Variants in GTF2A1L observed in about 807,000 individuals in gnomAD.
GTF2A1L encodes the protein TFIIA-alpha and beta-like factor.
Under a neutral mutation model 49.7 loss-of-function variants are expected in GTF2A1L, and 48 were observed. That is an observed-to-expected ratio of 0.97 (90% confidence interval 0.77 to 1.23). The LOEUF (loss-of-function observed/expected upper bound fraction) is 1.23, where lower values mean the gene tolerates loss of function less well. GTF2A1L is among the 50% of genes most tolerant of loss of function. The pLI is 0.00. For synonymous variants in GTF2A1L, 246 were observed against 193.5 expected, an observed-to-expected ratio of 1.27 and a Z score of -2.25; for missense variants, 736 against 564.8, an observed-to-expected ratio of 1.30 and a Z score of -3.07.
chr2:48,651,217 TA>T (rs915156249), intron 6 of GTF2A1L, among the ~76,000 whole-genome samples: 6 of 150,318 alleles, frequency 4.0e-5, no homozygotes, highest in South Asian at 2.1e-4. Context: ...GCAGAGAAAA[TA>T]AAAAAAAAGG....
At chr2:48,617,991 T>C in intron 1 of GTF2A1L, 96 bp downstream of exon 1, 3 of 1,261,234 alleles carry the variant, frequency 2.4e-6, no homozygotes, top group South Asian at 1.4e-5. Flanking sequence ...CCTGACACTT[T>C]ACAGATTGTC....
At chr2:48,653,920 C>CAAAAAAAAAAAA (rs70946819) in intron 6 of GTF2A1L, among the ~76,000 whole-genome samples, 1 of 108,680 alleles carries the variant, frequency 9.2e-6, no homozygotes, top group Non-Finnish European at 1.8e-5. Context: ...GACTGTGTCT[C>CAAAAAAAAAAAA]AAAAAAAAAA....
At chr2:48,617,984 GACACTTT>G (rs1675758444) in intron 1 of GTF2A1L, 89 bp downstream of exon 1, 1 of 1,311,256 alleles carries the variant, frequency 7.6e-7, no homozygotes, top group African/African-American at 1.5e-5. Context: ...GTTTCCCCCT[GACACTTT>G]ACAGATTGTC....
chr2:48,653,920 CA>C (rs70946819), intron 6 of GTF2A1L, among the ~76,000 whole-genome samples: 5 of 108,652 alleles, frequency 4.6e-5, no homozygotes, highest in Admixed American at 9.8e-5. Flanking sequence ...GACTGTGTCT[CA>C]AAAAAAAAAA....
intron 8 of GTF2A1L, among the ~76,000 whole-genome samples, chr2:48,673,688 C>T (rs539190528): frequency 1.3e-5 from 2 of 152,144 alleles, no homozygotes; most frequent in African/African-American, 4.8e-5. Flanking sequence ...CCCAAAGAAA[C>T]AGGGAAAACT....
intron 8 of GTF2A1L, among the ~76,000 whole-genome samples, chr2:48,679,081 A>C (rs575265971): frequency 6.6e-6 from 1 of 151,820 alleles, no homozygotes; most frequent in Non-Finnish European, 1.5e-5. Flanking sequence ...CATATACAGG[A>C]TGTGTGTTTT....
At chr2:48,658,938 A>G (rs944157784) in intron 6 of GTF2A1L, among the ~76,000 whole-genome samples, 2 of 151,950 alleles carry the variant, frequency 1.3e-5, no homozygotes, top group African/African-American at 4.8e-5. Flanking sequence ...ATATCTCCTT[A>G]ACTTATGAAG....
chr2:48,620,896 C>A lies in GTF2A1L; in HGVS notation c.67C>A (p.Arg23=). The part of the protein sequence containing the change: ...SVIEDVIEGV[R]NLFAEEGIEE... ...AATTGAAGATGTAATTGAAGGAGTT[C>A]GGAATCTATTTGCTGAAGAAGGTAT... The change falls in exon 2 of 9, where the codon CGG becomes AGG. Residue 23 remains arginine, a synonymous_variant. Coordinates refer to ENST00000403751, the MANE Select transcript of GTF2A1L (RefSeq NM_006872.5). 1 of 1,604,082 alleles carries A rather than the reference C, an allele frequency of 6.2e-7. No individual in the cohort carries two copies. The highest frequency in any genetic ancestry group is 1.1e-5 in the South Asian group (1 of 89,198).
chr2:48,623,945 C>T (rs535542047), intron 3 of GTF2A1L, among the ~76,000 whole-genome samples: 7 of 152,244 alleles, frequency 4.6e-5, no homozygotes, highest in East Asian at 1.9e-4. Flanking sequence ...AAAAACTACC[C>T]GTCAGGTACT....
At chr2:48,642,316 A>G in intron 3 of GTF2A1L, 86 bp from the exon 4 acceptor site, 1 of 1,293,810 alleles carries the variant, frequency 7.7e-7, no homozygotes. Context: ...GTGATAGAAA[A>G]TATTTTTTAA....
chr2:48,620,739 C>A (rs566101844), intron 1 of GTF2A1L, 112 bp from the exon 2 acceptor site: 2 of 618,614 alleles, frequency 3.2e-6, no homozygotes, highest in East Asian at 8.2e-5. Context: ...TTCGTGCCAC[C>A]GCACTCCAGC....
At chr2:48,637,751 C>T (rs1426980252) in intron 3 of GTF2A1L, among the ~76,000 whole-genome samples, 8 of 151,890 alleles carry the variant, frequency 5.3e-5, no homozygotes, top group Non-Finnish European at 7.4e-5. Context: ...AGAGAAGATC[C>T]AAATAAACAC....
At chr2:48,660,491 TTCAG>T (rs1222628515) in intron 6 of GTF2A1L, among the ~76,000 whole-genome samples, 1 of 152,128 alleles carries the variant, frequency 6.6e-6, no homozygotes, top group Non-Finnish European at 1.5e-5. Flanking sequence ...TGCTTTCTGG[TTCAG>T]TCTAGATTGC....
At chr2:48,633,731 A>T (rs575695284) in intron 3 of GTF2A1L, among the ~76,000 whole-genome samples, 4 of 152,344 alleles carry the variant, frequency 2.6e-5, no homozygotes, top group Admixed American at 2.6e-4. Context: ...TAGGATTTCA[A>T]TAGGGGGAAG....
rs61138547 is a variant in GTF2A1L at position 48,635,070 on chromosome 2, A to G, written c.248-7332A>G. Among the ~76,000 whole-genome samples the G allele has an allele frequency of 7.0e-3, 1,073 of 152,248 alleles. 22 individuals carry two copies. The highest frequency in any genetic ancestry group is 0.024 in the African/African-American group (1,001 of 41,554). On this transcript the variant is annotated intron_variant, in intron 3 of 8. Transcript: ENST00000403751. ...GCAGCCTAAAATTCTAATCCAGGGT[A>G]GTGAGTGCTCCAGATATCTGGAGAT...
chr2:48,659,153 C>A (rs753461585), intron 6 of GTF2A1L, among the ~76,000 whole-genome samples: 1 of 152,120 alleles, frequency 6.6e-6, no homozygotes, highest in Non-Finnish European at 1.5e-5. Context: ...AGTCTGGTAA[C>A]TATACACCTT....
At chr2:48,620,981 T>C (rs765248932) in intron 2 of GTF2A1L, 29 bp downstream of exon 2, 10 of 1,588,382 alleles carry the variant, frequency 6.3e-6, no homozygotes, top group Non-Finnish European at 8.6e-6. Context: ...TTTTTCTTCC[T>C]GTCTTTTGTT....
chr2:48,673,359 C>CT (rs34493140), intron 8 of GTF2A1L, among the ~76,000 whole-genome samples: 52,981 of 109,434 alleles, frequency 0.48, 14,058 homozygotes, highest in East Asian at 0.84. Flanking sequence ...ACACAGGAAA[C>CT]TTTTTTTTTT....
In GTF2A1L at chr2:48,679,403, CTATG is replaced by C. The variant is rs772742059; in HGVS notation, c.1402_1405del (p.Val468LeufsTer21). ...GTGTTATGTGTTTTGGAGGGAGAGA[CTATG>C]TATTTGCAAAAGCCATTGGTGATGC... is the stretch of plus-strand genomic sequence containing the variant. On this transcript the variant is annotated frameshift_variant, in exon 9 of 9. Transcript: ENST00000403751. LOFTEE classifies it high-confidence loss of function. 15 of 1,612,388 alleles carry C rather than the reference CTATG, an allele frequency of 9.3e-6. No individual in the cohort carries two copies. The highest frequency in any genetic ancestry group is 1.3e-5 in the Non-Finnish European group (15 of 1,179,026).
Sources: gnomAD v4.1 joint callset for allele counts (sites outside exome capture counted in the v4.1 genomes callset) on GRCh38, gnomAD v4.1.1 for gene constraint, MANE v1.5 for transcripts, NCBI Gene and HGNC (gene_info 2026-07-23, HGNC 2026-07-21) for gene names.